BCL2L11: variants seen among roughly 807,000 people sequenced by gnomAD.
The protein encoded by BCL2L11 is bcl-2-like protein 11.
A neutral mutation model predicts 20.6 loss-of-function variants in BCL2L11; 15 were observed. The observed-to-expected ratio is 0.73, with a 90% CI of 0.49 to 1.12. The LOEUF is 1.12. Among genes scored for constraint, BCL2L11 ranks in the 50% most tolerant of loss-of-function variants. BCL2L11 has a pLI of 0.00. For synonymous variants in BCL2L11, 108 were observed against 92.8 expected (o/e 1.16, Z -0.94); for missense variants, 292 against 260.9 (o/e 1.12, Z -0.82).
chr2:111,159,906 C>T (rs907317945), intron 3 of BCL2L11, among the ~76,000 whole-genome samples: 5 of 152,142 alleles, frequency 3.3e-5, no homozygotes, highest in African/African-American at 9.7e-5. Flanking sequence ...TGCTCGACAC[C>T]GTCTCAAAGG....
Position 111,124,085 on chromosome 2 carries a change from A to G in BCL2L11, c.340A>G (p.Thr114Ala), listed in dbSNP as rs2150144128. 1 of 1,614,028 alleles carries G rather than the reference A, an allele frequency of 6.2e-7. No individual in the cohort carries two copies. The highest frequency in any genetic ancestry group is 8.5e-7 in the Non-Finnish European group (1 of 1,179,996). Residue 114 changes from threonine (T) to alanine (A), a missense_variant, in exon 2 of 4, where the codon ACA (threonine) becomes GCA (alanine). By Grantham distance (58) the Thr-to-Ala change is moderately conservative. Coordinates refer to ENST00000393256, the MANE Select transcript of BCL2L11 (RefSeq NM_138621.5). ...SPAPMSCDKS[T>A]QTPSPPCQAF... ...AGCACCCATGAGTTGTGACAAATCA[A>G]CACAAACCCCAAGTCCTCCTTGCCA...
In BCL2L11 at chr2:111,155,388, G is replaced by A. The variant is rs536590708; in HGVS notation, c.498+5241G>A. Among the ~76,000 whole-genome samples, 20 of 152,282 alleles carry A rather than the reference G, an allele frequency of 1.3e-4. No homozygotes were observed. In the East Asian group the frequency reaches 3.7e-3, roughly 28 times the overall value. ...TACCGGTTCATCTGCTGGACGCAGT[G>A]CCAGCAAGTGTAGATTGCGACCCTC... On this transcript the variant is annotated intron_variant, in intron 3 of 3. Coordinates refer to ENST00000393256, the MANE Select transcript of BCL2L11 (RefSeq NM_138621.5).
intron 3 of BCL2L11, among the ~76,000 whole-genome samples, chr2:111,162,417 C>G (rs2078675799): frequency 6.6e-6 from 1 of 152,210 alleles, no homozygotes; most frequent in Non-Finnish European, 1.5e-5. Flanking sequence ...TCCAACATGT[C>G]TTTGAATACC....
chr2:111,144,741 G>A (rs1214031739), intron 2 of BCL2L11, among the ~76,000 whole-genome samples: 1 of 152,202 alleles, frequency 6.6e-6, no homozygotes, highest in Non-Finnish European at 1.5e-5. Flanking sequence ...CATTTTCGGA[G>A]TATCTCTTGG....
At chr2:111,126,922 T>C (rs1443819426) in intron 2 of BCL2L11, among the ~76,000 whole-genome samples, 4 of 152,172 alleles carry the variant, frequency 2.6e-5, no homozygotes, top group African/African-American at 9.6e-5. Context: ...CTTGAAGTTT[T>C]GTTTTGCAAA....
At position 111,123,983 on chromosome 2, in the gene BCL2L11, T is replaced by G. The variant is rs758741452; in HGVS notation, c.238T>G (p.Phe80Val). ...CCCTTTTGCTACCAGATCCCCGCTT[T>G]TCATCTTTATGAGAAGATCCTCCCT... ...PGPFATRSPL[F>V]IFMRRSSLLS... The change falls in exon 2 of 4, where the codon TTC becomes GTC. Residue 80 changes from phenylalanine (F) to valine (V), a missense_variant. Coordinates refer to ENST00000393256, the MANE Select transcript of BCL2L11 (RefSeq NM_138621.5). The G allele has an allele frequency of 2.5e-6, 4 of 1,614,250 alleles. No homozygotes were observed. The highest frequency in any genetic ancestry group is 3.4e-6 in the Non-Finnish European group (4 of 1,180,048).
At chr2:111,144,975 G>A (rs573373366) in intron 2 of BCL2L11, among the ~76,000 whole-genome samples, 2 of 152,184 alleles carry the variant, frequency 1.3e-5, no homozygotes, top group Non-Finnish European at 2.9e-5. Flanking sequence ...GGCTAAGTAT[G>A]TTCTATTATG....
In BCL2L11 at chr2:111,158,296, CA is replaced by C. The variant is rs536906741; in HGVS notation, c.499-5836del. Reference sequence around the variant, plus strand: ...CGTGGAGTGGTAGTTCTAACAGAATCAGGGGGGTGACTCCTAGTTCCATGTC... The same window carrying C: ...CGTGGAGTGGTAGTTCTAACAGAATCGGGGGGTGACTCCTAGTTCCATGTC... On this transcript the variant is annotated intron_variant, in intron 3 of 3. Coordinates refer to ENST00000393256, the MANE Select transcript of BCL2L11 (RefSeq NM_138621.5). 9.2e-5 allele frequency among the ~76,000 whole-genome samples: 14 copies of C among 152,268 alleles called. No homozygotes were observed. In the South Asian group the frequency reaches 2.5e-3, roughly 27 times the overall value.
At chr2:111,131,312 G>A (rs2073915854) in intron 2 of BCL2L11, 1 of 151,808 alleles carries the variant, frequency 6.6e-6, no homozygotes. Flanking sequence ...CAGGTTGTCT[G>A]TTTCTTCCCA....
intron 3 of BCL2L11, among the ~76,000 whole-genome samples, chr2:111,156,945 T>C (rs1285413112): frequency 6.6e-6 from 1 of 152,238 alleles, no homozygotes; most frequent in African/African-American, 2.4e-5. Context: ...TCTGTTCACC[T>C]GTCTATCTTT....
intron 2 of BCL2L11, among the ~76,000 whole-genome samples, chr2:111,141,873 A>G (rs1221933832): frequency 2.0e-5 from 3 of 151,744 alleles, no homozygotes; most frequent in East Asian, 1.9e-4. Flanking sequence ...GAATTTTTGT[A>G]TTTTTTTAGT....
At chr2:111,124,504 A>G (rs1366859382) in intron 2 of BCL2L11, among the ~76,000 whole-genome samples, 1 of 152,080 alleles carries the variant, frequency 6.6e-6, no homozygotes, top group Non-Finnish European at 1.5e-5. Context: ...GTTAGCCAGG[A>G]TGGTCTCAAT....
Position 111,166,690 on chromosome 2 carries a change from C to G in BCL2L11, c.*2459C>G, listed in dbSNP as rs980171227. On this transcript the variant is annotated 3_prime_UTR_variant, in exon 4 of 4. Transcript: ENST00000393256. ...TGTCCTGTGACTTAACACAGAAACG[C>G]AATAAACACACACAAAATAGTTTCA... 9 of 152,742 alleles carry G rather than the reference C, an allele frequency of 5.9e-5. No homozygotes were observed. Among genetic ancestry groups the G allele is most frequent in the African/African-American group, 2.2e-4 (9 of 41,562 alleles). 9.5% of individuals were successfully genotyped at this position (152,742 alleles called of 1,614,324 possible). A position where few individuals can be genotyped will look rare whatever the true frequency, so the allele number is the denominator to read the frequency against.
At chr2:111,123,537 T>C (rs2150137690) in intron 1 of BCL2L11, 196 bp from the exon 2 acceptor site, 1 of 984,474 alleles carries the variant, frequency 1.0e-6, no homozygotes, top group Non-Finnish European at 1.2e-6. Context: ...TGTTTGGGGG[T>C]ACCCTCTACC....
intron 2 of BCL2L11, among the ~76,000 whole-genome samples, chr2:111,130,611 A>G (rs2073764158): frequency 6.6e-6 from 1 of 152,166 alleles, no homozygotes; most frequent in African/African-American, 2.4e-5. Flanking sequence ...TTTCTTGCCC[A>G]GTTGCACCAG....
intron 2 of BCL2L11, among the ~76,000 whole-genome samples, chr2:111,127,448 C>T (rs1188459693): frequency 1.6e-5 from 2 of 127,804 alleles, no homozygotes; most frequent in South Asian, 2.5e-4. Flanking sequence ...TCCTCAGCGT[C>T]TTGTGGGTAC....
chr2:111,146,097 T>A, intron 2 of BCL2L11: 1 of 984,894 alleles, frequency 1.0e-6, no homozygotes. Flanking sequence ...AAAAAAAAAA[T>A]TTAGTGCCAG....
intron 1 of BCL2L11, chr2:111,122,706 G>A (rs1470241335): frequency 6.1e-6 from 6 of 981,794 alleles, no homozygotes; most frequent in Non-Finnish European, 7.3e-6. Context: ...CGCGGCGTGC[G>A]GAGCCCTCGG....
intron 3 of BCL2L11, chr2:111,150,355 G>A: frequency 9.7e-7 from 1 of 1,028,392 alleles, no homozygotes; most frequent in Non-Finnish European, 1.3e-6. Context: ...AATACAGTAG[G>A]AGGCAGCAAA....
Sources: allele counts gnomAD v4.1 joint callset (sites outside exome capture counted in the v4.1 genomes callset), GRCh38; gene constraint gnomAD v4.1.1; transcripts MANE v1.5; gene names NCBI Gene and HGNC (gene_info 2026-07-23, HGNC 2026-07-21).